ADGRL3: variants seen among roughly 807,000 people sequenced by gnomAD.
ADGRL3 encodes the protein calcium-independent alpha-latrotoxin receptor 3.
A neutral mutation model predicts 153.5 loss-of-function variants in ADGRL3; 62 were observed. The observed-to-expected ratio is 0.40, with a 90% CI of 0.33 to 0.50. The LOEUF (loss-of-function observed/expected upper bound fraction) is 0.50, where lower values mean the gene tolerates loss of function less well. Ranked by LOEUF, ADGRL3 falls within the 20% of genes least tolerant of loss-of-function variation. ADGRL3 has a pLI of 0.47. For synonymous variants in ADGRL3, 710 were observed against 672.5 expected (o/e 1.06, Z -0.86); for missense variants, 1,641 against 1,859.4 (o/e 0.88, Z 2.16).
At chr4:61,623,960 C>T (rs1338552935) in intron 5 of ADGRL3, among the ~76,000 whole-genome samples, 1 of 152,034 alleles carries the variant, frequency 6.6e-6, no homozygotes, top group African/African-American at 2.4e-5. Context: ...TAGCCAAAAA[C>T]CAGCCTTAAA....
At chr4:62,029,233 G>A (rs1180482745) in intron 22 of ADGRL3, among the ~76,000 whole-genome samples, 3 of 151,470 alleles carry the variant, frequency 2.0e-5, no homozygotes, top group African/African-American at 7.3e-5. Context: ...TTGTTTGTTT[G>A]GGCATCATTC....
At chr4:61,740,914 A>G (rs1287931174) in intron 8 of ADGRL3, among the ~76,000 whole-genome samples, 1 of 152,202 alleles carries the variant, frequency 6.6e-6, no homozygotes, top group Non-Finnish European at 1.5e-5. Flanking sequence ...ATCTAAACCA[A>G]CAAAAAGCCT....
At chr4:61,568,820 G>A (rs996422850) in intron 4 of ADGRL3, among the ~76,000 whole-genome samples, 1 of 151,552 alleles carries the variant, frequency 6.6e-6, no homozygotes. Flanking sequence ...TTTTTCTCAT[G>A]ATTCCTTCTT....
intron 9 of ADGRL3, among the ~76,000 whole-genome samples, chr4:61,849,456 A>G (rs545192731): frequency 9.2e-5 from 14 of 151,850 alleles, no homozygotes; most frequent in Admixed American, 2.0e-4. Context: ...TGTTTTCTGC[A>G]TTGTTTTGAA....
chr4:61,656,707 CAG>C (rs1196689443), intron 5 of ADGRL3, among the ~76,000 whole-genome samples: 1 of 152,114 alleles, frequency 6.6e-6, no homozygotes, highest in Non-Finnish European at 1.5e-5. Flanking sequence ...TCACTACTGA[CAG>C]AAAGGAAATC....
chr4:61,744,087 G>C (rs980418781), intron 8 of ADGRL3, among the ~76,000 whole-genome samples: 4 of 152,138 alleles, frequency 2.6e-5, no homozygotes, highest in African/African-American at 9.7e-5. Context: ...GAGGGTCCTA[G>C]GCCCATGGAG....
intron 14 of ADGRL3, 47 bp from the exon 15 acceptor site, chr4:61,935,876 T>C (rs553225110): frequency 3.9e-6 from 6 of 1,530,678 alleles, no homozygotes; most frequent in Admixed American, 2.1e-5. Context: ...TTATTGTAGC[T>C]TAGGTATGTT....
At chr4:61,359,930 T>G (rs781735923) in intron 1 of ADGRL3, among the ~76,000 whole-genome samples, 6 of 151,742 alleles carry the variant, frequency 4.0e-5, no homozygotes, top group Non-Finnish European at 7.4e-5. Flanking sequence ...GATGATGTTA[T>G]TGATTTTATT....
intron 9 of ADGRL3, among the ~76,000 whole-genome samples, chr4:61,844,509 T>G (rs2098083590): frequency 8.3e-6 from 1 of 121,022 alleles, no homozygotes; most frequent in Admixed American, 1.1e-4. Flanking sequence ...ATCATGCCAT[T>G]GCACTCCAGC....
intron 6 of ADGRL3, among the ~76,000 whole-genome samples, chr4:61,692,322 A>G (rs1428194991): frequency 7.9e-6 from 1 of 127,034 alleles, no homozygotes; most frequent in Non-Finnish European, 1.6e-5. Context: ...ATTTCCTTTC[A>G]TTCCCCTCTA....
intron 1 of ADGRL3, among the ~76,000 whole-genome samples, chr4:61,336,182 G>T (rs1402144837): frequency 7.2e-5 from 11 of 152,120 alleles, no homozygotes; most frequent in Non-Finnish European, 2.9e-5. Flanking sequence ...CAGATCAGTG[G>T]AGACTATACA....
intron 2 of ADGRL3, among the ~76,000 whole-genome samples, chr4:61,426,431 A>G (rs2152380787): frequency 7.6e-6 from 1 of 131,420 alleles, no homozygotes; most frequent in East Asian, 2.0e-4. Flanking sequence ...TCCATATGCC[A>G]TGCCCCATCG....
intron 1 of ADGRL3, among the ~76,000 whole-genome samples, chr4:61,378,057 A>G (rs1463254835): frequency 6.6e-6 from 1 of 151,974 alleles, no homozygotes; most frequent in Non-Finnish European, 1.5e-5. Flanking sequence ...AACACAATTT[A>G]TATGATTTTT....
At chr4:61,637,582 G>C (rs1268419169) in intron 5 of ADGRL3, among the ~76,000 whole-genome samples, 5 of 152,198 alleles carry the variant, frequency 3.3e-5, no homozygotes, top group African/African-American at 1.2e-4. Flanking sequence ...TGGCAAACAT[G>C]GTGAAACCTC....
At chr4:61,716,511 T>C (rs1272271118) in intron 6 of ADGRL3, among the ~76,000 whole-genome samples, 1 of 152,154 alleles carries the variant, frequency 6.6e-6, no homozygotes. Context: ...GAAATGAGTT[T>C]GCTCCATTTT....
chr4:61,604,963 C>T (rs538201695), intron 5 of ADGRL3, among the ~76,000 whole-genome samples: 25 of 151,044 alleles, frequency 1.7e-4, no homozygotes, highest in Non-Finnish European at 2.4e-4. Context: ...GGTGGCACAC[C>T]GCTGTAATCC....
intron 1 of ADGRL3, among the ~76,000 whole-genome samples, chr4:61,241,580 T>C (rs890981230): frequency 3.3e-5 from 5 of 152,064 alleles, no homozygotes; most frequent in Non-Finnish European, 7.4e-5. Flanking sequence ...AATTTATAGG[T>C]TACTTAGAAA....
At chr4:61,398,345 T>C (rs916863406) in intron 2 of ADGRL3, among the ~76,000 whole-genome samples, 1 of 151,874 alleles carries the variant, frequency 6.6e-6, no homozygotes, top group South Asian at 2.1e-4. Flanking sequence ...GTGAGAATGA[T>C]GAGCCTTCGT....
intron 1 of ADGRL3, among the ~76,000 whole-genome samples, chr4:61,282,151 T>C (rs1056536419): frequency 2.6e-5 from 4 of 152,120 alleles, no homozygotes; most frequent in Non-Finnish European, 5.9e-5. Context: ...TTCATTGAGA[T>C]GAAGCTGAGA....
Sources: gnomAD v4.1 joint callset for allele counts (sites outside exome capture counted in the v4.1 genomes callset) on GRCh38, gnomAD v4.1.1 for gene constraint, MANE v1.5 for transcripts, NCBI Gene and HGNC (gene_info 2026-07-23, HGNC 2026-07-21) for gene names.